Variants in KNTC1 observed in about 807,000 individuals in gnomAD.
KNTC1 encodes the protein kinetochore associated 1.
In KNTC1, 253 loss-of-function variants were observed where a neutral mutation model predicts 314.4. The ratio of observed to expected loss-of-function variants is 0.80; its 90% CI spans 0.73 to 0.89. KNTC1 has a LOEUF of 0.89. Ranked by LOEUF, KNTC1 falls within the 40% of genes least tolerant of loss-of-function variation. KNTC1 has a pLI of 0.00. For synonymous variants in KNTC1, 901 were observed against 901.4 expected (o/e 1.00, Z 0.01); for missense variants, 2,475 against 2,572.9 (o/e 0.96, Z 0.82).
intron 63 of KNTC1, among the ~76,000 whole-genome samples, chr12:122,625,901 G>A (rs1305285900): frequency 6.6e-6 from 1 of 151,950 alleles, no homozygotes; most frequent in Non-Finnish European, 1.5e-5. Flanking sequence ...TCTTCCTTTG[G>A]TCCAGATCAG....
chr12:122,560,064 C>T (rs1963875828), intron 18 of KNTC1, among the ~76,000 whole-genome samples: 1 of 152,178 alleles, frequency 6.6e-6, no homozygotes, highest in African/African-American at 2.4e-5. Context: ...TTTGACTACT[C>T]TAAGTACCTT....
chr12:122,537,243 T>G (rs1251005366), intron 3 of KNTC1, among the ~76,000 whole-genome samples: 1 of 152,182 alleles, frequency 6.6e-6, no homozygotes, highest in Non-Finnish European at 1.5e-5. Context: ...CTCTTCATCT[T>G]AGTCATTTGG....
chr12:122,555,802 T>C (rs550582461), intron 16 of KNTC1, among the ~76,000 whole-genome samples: 1 of 152,050 alleles, frequency 6.6e-6, no homozygotes, highest in Non-Finnish European at 1.5e-5. Flanking sequence ...TGAGCCGAGA[T>C]CCTGCTACTG....
chr12:122,614,085 C>G (rs1873489219), intron 55 of KNTC1, among the ~76,000 whole-genome samples: 1 of 152,148 alleles, frequency 6.6e-6, no homozygotes, highest in African/African-American at 2.4e-5. Context: ...CCCACCTGGG[C>G]CTCCCAAAGT....
chr12:122,538,274 A>AT (rs960491705), intron 3 of KNTC1, 65 bp from the exon 4 acceptor site: 84 of 948,824 alleles, frequency 8.9e-5, no homozygotes, highest in African/African-American at 1.3e-4. Flanking sequence ...AAAAATTTGT[A>AT]TTTTTTTTGT....
At chr12:122,612,977 A>G (rs1873339269) in intron 53 of KNTC1, 135 bp from the exon 54 acceptor site, 1 of 636,506 alleles carries the variant, frequency 1.6e-6, no homozygotes, top group South Asian at 1.9e-5. Flanking sequence ...TGTTACACAC[A>G]GTGCGTTCCG....
intron 20 of KNTC1, among the ~76,000 whole-genome samples, chr12:122,565,964 T>C (rs1156868469): frequency 6.6e-6 from 1 of 150,736 alleles, no homozygotes; most frequent in Non-Finnish European, 1.5e-5. Context: ...TTTTTTTTTT[T>C]TTTTTTGAGA....
Position 122,616,849 on chromosome 12 carries a change from C to A in KNTC1, c.6030+1323C>A, listed in dbSNP as rs962358015. ...TTATCTAATTCCAGAACATTTTCCT[C>A]ACCCCAAAAAGAAAATTCATATCCA... On this transcript the variant is annotated intron_variant, in intron 57 of 63. Coordinates refer to ENST00000333479, the MANE Select transcript of KNTC1 (RefSeq NM_014708.6). Among the ~76,000 whole-genome samples, 5 of 152,140 alleles carry A rather than the reference C, an allele frequency of 3.3e-5. No homozygotes were observed. In the East Asian group the frequency reaches 9.6e-4, roughly 29 times the overall value.
chr12:122,548,720 C>T (rs932543542), intron 12 of KNTC1, among the ~76,000 whole-genome samples: 4 of 151,916 alleles, frequency 2.6e-5, no homozygotes, highest in Non-Finnish European at 4.4e-5. Context: ...GTAATCCTAG[C>T]GCTTTGGGAG....
intron 5 of KNTC1, 90 bp downstream of exon 5, chr12:122,539,844 C>A: frequency 1.3e-6 from 1 of 776,626 alleles, no homozygotes; most frequent in South Asian, 1.9e-5. Context: ...TGCAGTGGCG[C>A]AATCTCAGGT....
chr12:122,576,281 T>C (rs989033924), intron 29 of KNTC1, among the ~76,000 whole-genome samples: 48 of 152,222 alleles, frequency 3.2e-4, no homozygotes, highest in African/African-American at 1.1e-3. Flanking sequence ...GTCAGGCTGG[T>C]TGGTCTTGAG....
intron 8 of KNTC1, among the ~76,000 whole-genome samples, chr12:122,545,950 T>TAAA (rs11463721): frequency 1.4e-4 from 21 of 145,152 alleles, no homozygotes; most frequent in African/African-American, 5.1e-4. Context: ...TGTCTCAAAT[T>TAAA]AAAAAAAAAA....
At chr12:122,589,474 T>G (rs890428804) in intron 40 of KNTC1, among the ~76,000 whole-genome samples, 3 of 148,902 alleles carry the variant, frequency 2.0e-5, no homozygotes, top group Admixed American at 2.0e-4. Context: ...AAATTGTGTT[T>G]TTTTTTTTTT....
At position 122,547,487 on chromosome 12, in the gene KNTC1, TTTC is replaced by T; in HGVS notation, c.895_897del (p.Leu299del). On this transcript the variant is annotated inframe_deletion, in exon 11 of 64. Transcript: ENST00000333479. ...CTGGCCCTCTCTTCACGTAGAAGAGTTTCTTCTTACTACAGAAGCAGACTCTCC... is the reference window on the plus strand; with the variant it reads ...CTGGCCCTCTCTTCACGTAGAAGAGTTTCTTACTACAGAAGCAGACTCTCC... The T allele has an allele frequency of 6.2e-7, 1 of 1,612,344 alleles. No individual in the cohort carries two copies. The highest frequency in any genetic ancestry group is 8.5e-7 in the Non-Finnish European group (1 of 1,178,674).
Position 122,544,371 on chromosome 12 carries a change from C to T in KNTC1, c.669+102C>T, listed in dbSNP as rs61585633. 7,257 of 608,234 alleles carry T rather than the reference C, an allele frequency of 0.012. 432 individuals carry two copies. In the African/African-American group the frequency reaches 0.13, roughly 11 times the overall value. 37.7% of individuals were successfully genotyped at this position (608,234 alleles called of 1,614,324 possible). A position where few individuals can be genotyped will look rare whatever the true frequency, so the allele number is the denominator to read the frequency against. On this transcript the variant is annotated intron_variant, in intron 8 of 63. Coordinates refer to ENST00000333479, the MANE Select transcript of KNTC1 (RefSeq NM_014708.6). ...TGCAAAATAATTTGTAACATATAAC[C>T]GAAACAAGGAAATTATAAAATTAAG... is the stretch of plus-strand genomic sequence containing the variant.
intron 35 of KNTC1, 95 bp downstream of exon 35, chr12:122,584,545 A>G: frequency 2.4e-6 from 2 of 847,654 alleles, no homozygotes; most frequent in East Asian, 5.2e-5. Flanking sequence ...ACATCACGGT[A>G]ATCAGACTAG....
chr12:122,593,834 G>C (rs1870660016), intron 42 of KNTC1: 1 of 155,592 alleles, frequency 6.4e-6, no homozygotes, highest in African/African-American at 2.4e-5. Flanking sequence ...TCAAACTCCT[G>C]ACCTCAAGTG....
intron 1 of KNTC1, among the ~76,000 whole-genome samples, chr12:122,528,301 CA>C (rs1960951213): frequency 6.6e-6 from 1 of 152,228 alleles, no homozygotes; most frequent in South Asian, 2.1e-4. Flanking sequence ...ATTCTCCAAA[CA>C]TGTTTTGTTT....
intron 2 of KNTC1, among the ~76,000 whole-genome samples, chr12:122,533,280 C>T (rs1450403022): frequency 1.3e-5 from 2 of 151,894 alleles, no homozygotes; most frequent in Non-Finnish European, 2.9e-5. Flanking sequence ...GATTCTCGTG[C>T]CTCAGCCTCC....
Sources: gnomAD v4.1 joint callset for allele counts (sites outside exome capture counted in the v4.1 genomes callset) on GRCh38, gnomAD v4.1.1 for gene constraint, MANE v1.5 for transcripts, NCBI Gene and HGNC (gene_info 2026-07-23, HGNC 2026-07-21) for gene names.